The following SCN9A variants were observed in gnomAD, a reference collection of about 807,000 sequenced individuals.
SCN9A encodes sodium voltage-gated channel alpha subunit 9.
SCN9A carries 131 observed loss-of-function variants against 187.0 expected under a neutral mutation model. That is an observed-to-expected ratio of 0.70 (90% CI 0.61 to 0.81). The LOEUF (loss-of-function observed/expected upper bound fraction) is 0.81, where lower values mean the gene tolerates loss of function less well. Among genes scored for constraint, SCN9A ranks in the 30% least tolerant of loss-of-function variants. The probability of loss-of-function intolerance (pLI) is 0.00; values close to 1 mark genes in which losing one functional copy is unlikely to be tolerated. For synonymous variants in SCN9A, 809 were observed against 808.6 expected, an observed-to-expected ratio of 1.00 and a Z score of -0.01; for missense variants, 2,252 against 2,396.6, an observed-to-expected ratio of 0.94 and a Z score of 1.26.
At chr2:166,227,776 G>T in intron 22 of SCN9A, 53 bp from the exon 23 acceptor site, 1 of 901,124 alleles carries the variant, frequency 1.1e-6, no homozygotes, top group Non-Finnish European at 1.8e-6. Flanking sequence ...TTCTAAAATA[G>T]CCATAAACAG....
At chr2:166,245,483 A>C (rs1695746715) in intron 18 of SCN9A, among the ~76,000 whole-genome samples, 1 of 151,990 alleles carries the variant, frequency 6.6e-6, no homozygotes, top group South Asian at 2.1e-4. Context: ...AAGAGTAAAA[A>C]GTTTTATAAG....
intron 24 of SCN9A, among the ~76,000 whole-genome samples, chr2:166,206,248 A>T (rs924473016): frequency 6.6e-6 from 1 of 152,196 alleles, no homozygotes; most frequent in Non-Finnish European, 1.5e-5. Flanking sequence ...ACAATAGCAA[A>T]GACTTGGAAC....
At chr2:166,267,563 T>C (rs1273028163) in intron 17 of SCN9A, among the ~76,000 whole-genome samples, 2 of 151,890 alleles carry the variant, frequency 1.3e-5, no homozygotes, top group East Asian at 3.9e-4. Context: ...GGGGTAATAT[T>C]GGCCTTGTAG....
chr2:166,232,318 C>T (rs1695119563), intron 21 of SCN9A, among the ~76,000 whole-genome samples: 1 of 152,118 alleles, frequency 6.6e-6, no homozygotes, highest in East Asian at 1.9e-4. Context: ...TTTTCAGGCA[C>T]TCTGCAGCCT....
intron 1 of SCN9A, among the ~76,000 whole-genome samples, chr2:166,371,921 C>T (rs1226205264): frequency 6.6e-6 from 1 of 152,180 alleles, no homozygotes; most frequent in Non-Finnish European, 1.5e-5. Context: ...TACCAAAAAT[C>T]TGTGGCTGGC....
chr2:166,371,541 T>C (rs1559069975), intron 1 of SCN9A, among the ~76,000 whole-genome samples: 1 of 152,238 alleles, frequency 6.6e-6, no homozygotes, highest in Admixed American at 6.5e-5. Flanking sequence ...TTTTTTAGAA[T>C]GGCAGGACAC....
At chr2:166,294,496 T>C (rs1294520885) in intron 8 of SCN9A, 103 bp downstream of exon 8, 4 of 754,604 alleles carry the variant, frequency 5.3e-6, no homozygotes, top group African/African-American at 1.8e-5. Flanking sequence ...CCATGAAATA[T>C]ATAAAAAGCA....
chr2:166,301,471 C>T (rs1280015461), intron 7 of SCN9A: 1 of 150,830 alleles, frequency 6.6e-6, no homozygotes, highest in Admixed American at 6.6e-5. Flanking sequence ...CCGAACTTCT[C>T]TTGGTTCTGA....
At position 166,277,303 on chromosome 2, in the gene SCN9A, AT is replaced by A. The variant is rs758474524; in HGVS notation, c.2553del (p.Leu852Ter). 6.2e-7 allele frequency: 1 copy of A among 1,611,180 alleles called. No individual in the cohort carries two copies. The highest frequency in any genetic ancestry group is 8.5e-7 in the Non-Finnish European group (1 of 1,177,566). ...CCAATGATCTTAATCAGCATGTTCAATGTTGGCCAGGATTTTGCCAACTTGA... is the reference window on the plus strand; with the variant it reads ...CCAATGATCTTAATCAGCATGTTCAAGTTGGCCAGGATTTTGCCAACTTGA... ...RVFKLAKSWPTLNMLIKIIGN... is the reference protein window; with the variant it reads ...RVFKLAKSWPXLNMLIKIIGN... On this transcript the variant is annotated frameshift_variant, in exon 16 of 27. Transcript: ENST00000642356. LOFTEE classifies it high-confidence loss of function.
rs748079597 is a variant in SCN9A at position 166,272,540 on chromosome 2, C to T, written c.3210G>A (p.Leu1070=). The change falls in exon 17 of 27, where the codon TTG becomes TTA. Residue 1070 remains leucine (L), a synonymous_variant. Transcript: ENST00000642356. ...SGFGSSVDKH[L]MEDSDGQSFI... is the part of the protein sequence containing the mutation. ...ATGATTGACCATCACTGTCTTCCAT[C>T]AAGTGTTTGTCCACGCTGCTTCCAA... The T allele has an allele frequency of 6.2e-7, 1 of 1,613,454 alleles. No homozygotes were observed. Among genetic ancestry groups the T allele is most frequent in the Admixed American group, 1.7e-5 (1 of 59,932 alleles).
At chr2:166,340,620 C>CTTTCTTTTTCTTTCTTTCTTTT (rs1553502822) in intron 1 of SCN9A, among the ~76,000 whole-genome samples, 1 of 44,998 alleles carries the variant, frequency 2.2e-5, no homozygotes, top group Non-Finnish European at 3.7e-5. Context: ...TTCTTTCTTT[C>CTTTCTTTTTCTTTCTTTCTTTT]CTTTCTCTTC....
chr2:166,369,673 G>A (rs1700502218), intron 1 of SCN9A, among the ~76,000 whole-genome samples: 1 of 152,074 alleles, frequency 6.6e-6, no homozygotes, highest in Non-Finnish European at 1.5e-5. Context: ...TTACCTAGAA[G>A]GAATCACTCA....
At chr2:166,229,423 T>G (rs185287009) in intron 21 of SCN9A, among the ~76,000 whole-genome samples, 1 of 152,072 alleles carries the variant, frequency 6.6e-6, no homozygotes, top group Non-Finnish European at 1.5e-5. Flanking sequence ...GATCCTATTA[T>G]TACCAGCATT....
intron 17 of SCN9A, among the ~76,000 whole-genome samples, chr2:166,254,525 C>T (rs1696182342): frequency 6.6e-6 from 1 of 151,248 alleles, no homozygotes. Context: ...TGAATTCTCA[C>T]AGTAGGCATC....
At chr2:166,324,482 T>G (rs1699316798) in intron 1 of SCN9A, among the ~76,000 whole-genome samples, 2 of 152,136 alleles carry the variant, frequency 1.3e-5, no homozygotes, top group African/African-American at 4.8e-5. Context: ...ATGTCACTTC[T>G]CTAGAAACAC....
intron 20 of SCN9A, among the ~76,000 whole-genome samples, chr2:166,235,915 A>T (rs1695299147): frequency 6.6e-6 from 1 of 152,128 alleles, no homozygotes; most frequent in Admixed American, 6.5e-5. Context: ...CAAATAAAAC[A>T]ATTTCCATTA....
chr2:166,309,777 G>C (rs996453782), intron 2 of SCN9A, among the ~76,000 whole-genome samples: 3 of 146,262 alleles, frequency 2.1e-5, no homozygotes, highest in Admixed American at 2.0e-4. Flanking sequence ...AACCAAAAAA[G>C]AGCCCGCATC....
intron 16 of SCN9A, chr2:166,276,385 C>T (rs1291845742): frequency 6.6e-6 from 1 of 152,070 alleles, no homozygotes; most frequent in Admixed American, 6.6e-5. Context: ...ATTGACATTC[C>T]TATGTTTGAA....
rs778381073 is a variant in SCN9A, at chr2:166,272,420, C to T, written c.3330G>A (p.Ser1110=). 7.5e-6 allele frequency: 12 copies of T among 1,596,924 alleles called. No individual in the cohort carries two copies. The highest frequency in any genetic ancestry group is 5.4e-5 in the African/African-American group (4 of 74,574). The change falls in exon 17 of 27, where the codon TCG becomes TCA. Residue 1110 remains serine (S), a synonymous_variant. Coordinates refer to ENST00000642356, the MANE Select transcript of SCN9A (RefSeq NM_001365536.1). ...NMNAEELSSD[S]DSEYSKVRLN... The stretch of plus-strand genomic sequence containing the variant: ...TTACCACTTTGCTGTATTCACTATC[C>T]GAATCACTGCTAAGTTCCTCAGCAT...
Sources: allele counts gnomAD v4.1 joint callset (sites outside exome capture counted in the v4.1 genomes callset), GRCh38; gene constraint gnomAD v4.1.1; transcripts MANE v1.5; gene names NCBI Gene and HGNC (gene_info 2026-07-23, HGNC 2026-07-21).